Variants in LMOD3 observed in about 807,000 individuals in gnomAD.
The protein encoded by LMOD3 is leiomodin 3.
Under a neutral mutation model 41.8 loss-of-function variants are expected in LMOD3, and 31 were observed. That is an observed-to-expected ratio of 0.74 (90% CI 0.56 to 1.00). The LOEUF is 1.00. Among genes scored for constraint, LMOD3 ranks in the 50% least tolerant of loss-of-function variants. The probability of loss-of-function intolerance (pLI) is 0.00; values close to 1 mark genes in which losing one functional copy is unlikely to be tolerated. For synonymous variants in LMOD3, 292 were observed against 241.9 expected (o/e 1.21, Z -1.92); for missense variants, 755 against 679.5 (o/e 1.11, Z -1.23).
Position 69,119,007 on chromosome 3 carries a change from G to A in LMOD3, c.1348C>T (p.Pro450Ser), listed in dbSNP as rs748532243. ...TGGGGGTTGGGAGGCCGAGGTGGCG[G>A]TGGCTGGAAGAATTCCTGCATTCTG... ...DSRMQEFFQP[P>S]PPRPPNPQNV... The change falls in exon 2 of 3, where the codon CCG becomes TCG. Residue 450 changes from proline (P) to serine (S), a missense_variant. Physicochemically the swap from Pro to Ser is moderately conservative, Grantham distance 74. Transcript: ENST00000420581. 32 of 1,613,642 alleles carry A rather than the reference G, an allele frequency of 2.0e-5. No homozygotes were observed. In the African/African-American group the frequency reaches 3.3e-4, roughly 17 times the overall value.
intron 2 of LMOD3, among the ~76,000 whole-genome samples, chr3:69,117,201 C>A (rs1166747109): frequency 2.0e-5 from 3 of 152,136 alleles, no homozygotes; most frequent in Non-Finnish European, 4.4e-5. Flanking sequence ...GGCCACTGCT[C>A]CAGGAAGAAT....
intron 2 of LMOD3, among the ~76,000 whole-genome samples, chr3:69,113,650 A>T (rs770211997): frequency 9.2e-5 from 14 of 152,236 alleles, no homozygotes; most frequent in Non-Finnish European, 1.8e-4. Flanking sequence ...CCAGATATAC[A>T]TGAGTAAGCC....
chr3:69,110,584 T>A (rs2107520778), intron 2 of LMOD3, among the ~76,000 whole-genome samples: 1 of 150,086 alleles, frequency 6.7e-6, no homozygotes, highest in East Asian at 2.1e-4. Flanking sequence ...GGCTGACGCC[T>A]GTAATTCCAG....
chr3:69,106,860 A>ATTTTTTTT lies in LMOD3; in HGVS notation c.*2227_*2234dup, dbSNP rs1190777851. 9.9e-5 allele frequency: 5 copies of ATTTTTTTT among 50,704 alleles called. No homozygotes were observed. The highest frequency in any genetic ancestry group is 6.5e-4 in the East Asian group (1 of 1,548). 3.1% of individuals were successfully genotyped at this position (50,704 alleles called of 1,614,324 possible). A position where few individuals can be genotyped will look rare whatever the true frequency, so the allele number is the denominator to read the frequency against. On this transcript the variant is annotated 3_prime_UTR_variant, in exon 3 of 3. Coordinates refer to ENST00000420581, the MANE Select transcript of LMOD3 (RefSeq NM_198271.5). ...AGCTACCATGCCTGGCTAATTTTGT[A>ATTTTTTTT]TTTTTTTTTTTTTTTTTTTTTTTTT...
rs114117420 is a variant in LMOD3, at chr3:69,117,764, T to C, written c.1656+935A>G. Among the ~76,000 whole-genome samples, 851 of 151,648 alleles carry C rather than the reference T, an allele frequency of 5.6e-3. 10 individuals carry two copies. The highest frequency in any genetic ancestry group is 0.018 in the African/African-American group (752 of 41,360). ...TTTCGAACAGTCTCTCTTCATCTAC[T>C]AAAAAGAACTGTTTCTATGCATTTT... On this transcript the variant is annotated intron_variant, in intron 2 of 2. Transcript: ENST00000420581.
chr3:69,116,218 A>G (rs2092371990), intron 2 of LMOD3, among the ~76,000 whole-genome samples: 1 of 152,198 alleles, frequency 6.6e-6, no homozygotes, highest in African/African-American at 2.4e-5. Flanking sequence ...AGTGAAGCAA[A>G]TTTTCATTAG....
chr3:69,110,293 G>A (rs1023548908), intron 2 of LMOD3, among the ~76,000 whole-genome samples: 1 of 151,742 alleles, frequency 6.6e-6, no homozygotes, highest in Admixed American at 6.6e-5. Context: ...GGAGTGGCAT[G>A]ATCCCGGCTC....
Position 69,113,201 on chromosome 3 carries a change from T to C in LMOD3, c.1657-4080A>G, listed in dbSNP as rs180764295. Among the ~76,000 whole-genome samples, 14 of 152,182 alleles carry C rather than the reference T, an allele frequency of 9.2e-5. No homozygotes were observed. In the East Asian group the frequency reaches 2.1e-3, roughly 23 times the overall value. On this transcript the variant is annotated intron_variant, in intron 2 of 2. Transcript: ENST00000420581. ...ACCTGAATGCGTGACAGAATGGAGA[T>C]AAGACAGAAAACTGGGAACCAGAAG...
intron 2 of LMOD3, among the ~76,000 whole-genome samples, chr3:69,115,519 A>C (rs79591745): frequency 1.5e-4 from 22 of 143,452 alleles, no homozygotes; most frequent in East Asian, 8.3e-4. Context: ...CACACACACA[A>C]AACTTTTCTA....
At position 69,106,605 on chromosome 3, in the gene LMOD3, A is replaced by C. The variant is rs1438884067; in HGVS notation, c.*2490T>G. On this transcript the variant is annotated 3_prime_UTR_variant, in exon 3 of 3. Coordinates refer to ENST00000420581, the MANE Select transcript of LMOD3 (RefSeq NM_198271.5). The stretch of plus-strand genomic sequence containing the variant: ...ATCATCTTTTCTTCTTGTATATCTA[A>C]GATAAAAACCCTCTTACTGTGCATT... 2.0e-5 allele frequency among the ~76,000 whole-genome samples: 3 copies of C among 152,128 alleles called. No homozygotes were observed. Among genetic ancestry groups the C allele is most frequent in the African/African-American group, 7.2e-5 (3 of 41,436 alleles).
intron 2 of LMOD3, among the ~76,000 whole-genome samples, chr3:69,117,888 G>C (rs2092383587): frequency 6.7e-6 from 1 of 148,752 alleles, no homozygotes; most frequent in Non-Finnish European, 1.5e-5. Context: ...CTGGAGTACA[G>C]TGGTGCAATC....
In LMOD3 at chr3:69,119,498, G is replaced by T; in HGVS notation, c.857C>A (p.Thr286Lys). ...TGCACCCACATTGGCTAAACTGAAT[G>T]TTTTGATGTGCTTGTTTTTCTTCAT... ...NAMKKNKHIK[T>K]FSLANVGADE... Residue 286 changes from threonine (T) to lysine (K), a missense_variant, in exon 2 of 3, where the codon ACA (threonine) becomes AAA (lysine). By Grantham distance (78) the Thr-to-Lys change is moderately conservative. Transcript: ENST00000420581. 6.2e-7 allele frequency: 1 copy of T among 1,613,974 alleles called. No homozygotes were observed. The highest frequency in any genetic ancestry group is 2.2e-5 in the East Asian group (1 of 44,882).
At chr3:69,120,834 G>C (rs1200167067) in intron 1 of LMOD3, among the ~76,000 whole-genome samples, 1 of 152,006 alleles carries the variant, frequency 6.6e-6, no homozygotes, top group Non-Finnish European at 1.5e-5. Context: ...CTTAGTCTGG[G>C]AAATAAAATG....
Position 69,106,425 on chromosome 3 carries a change from T to A in LMOD3, c.*2670A>T, listed in dbSNP as rs2107517461. On this transcript the variant is annotated 3_prime_UTR_variant, in exon 3 of 3. Coordinates refer to ENST00000420581, the MANE Select transcript of LMOD3 (RefSeq NM_198271.5). ...CTGGAAGGGTAATAACAGAAAAATGTAACATATAAATGTTGTAAATTATGA... is the reference window on the plus strand; with the variant it reads ...CTGGAAGGGTAATAACAGAAAAATGAAACATATAAATGTTGTAAATTATGA... Among the ~76,000 whole-genome samples, 1 of 152,286 alleles carries A rather than the reference T, an allele frequency of 6.6e-6. No individual in the cohort carries two copies. The highest frequency in any genetic ancestry group is 2.1e-4 in the South Asian group (1 of 4,828).
rs186324001 is a variant in LMOD3, at chr3:69,109,218, C to T, written c.1657-97G>A. ...CAAAATTTACATGCCTTAAAAGATA[C>T]AGAATAGGTTTGAAATTCTGGCCAA... On this transcript the variant is annotated intron_variant, in intron 2 of 2. Coordinates refer to ENST00000420581, the MANE Select transcript of LMOD3 (RefSeq NM_198271.5). 441 of 1,139,656 alleles carry T rather than the reference C, an allele frequency of 3.9e-4. 3 individuals are homozygous for T. The East Asian group carries it at 7.5e-3, about 19-fold the overall frequency. The allele number at this position is 1,139,656 out of a possible 1,614,324, so 70.6% of individuals were successfully genotyped here. A position where few individuals can be genotyped will look rare whatever the true frequency, so the allele number is the denominator to read the frequency against.
rs763391637 is a variant in LMOD3, at chr3:69,119,735, TC to T, written c.619del (p.Glu207AsnfsTer10). The T allele has an allele frequency of 1.9e-6, 3 of 1,613,942 alleles. No homozygotes were observed. In the Admixed American group the frequency reaches 5.0e-5, roughly 27 times the overall value. ...TTTCGATATTTTTTTCTCACTTTGT[TC>T]TTGGGCCTCTGGTCTGTCTCTCTGT... ...KEQRDRPEAQ[E>X]QSEKKISKLD... On this transcript the variant is annotated frameshift_variant, in exon 2 of 3. Coordinates refer to ENST00000420581, the MANE Select transcript of LMOD3 (RefSeq NM_198271.5). LOFTEE classifies it high-confidence loss of function.
chr3:69,122,312 G>C lies in LMOD3; in HGVS notation c.75C>G (p.Ala25=). 2 of 1,613,100 alleles carry C rather than the reference G, an allele frequency of 1.2e-6. No homozygotes were observed. ...DEEINEDEIL[A]NLSAEELKEL... ...CTTTCAGTTCTTCAGCAGACAAGTTGGCCAAGATTTCATCTTCATTAATCT... is the reference window on the plus strand; with the variant it reads ...CTTTCAGTTCTTCAGCAGACAAGTTCGCCAAGATTTCATCTTCATTAATCT... The change falls in exon 1 of 3, where the codon GCC becomes GCG. Residue 25 remains alanine (A), a synonymous_variant. Coordinates refer to ENST00000420581, the MANE Select transcript of LMOD3 (RefSeq NM_198271.5).
At position 69,120,145 on chromosome 3, in the gene LMOD3, G is replaced by A. The variant is rs559703796; in HGVS notation, c.295-85C>T. 7.4e-5 allele frequency: 104 copies of A among 1,407,926 alleles called. No homozygotes were observed. The African/African-American group carries it at 1.2e-3, about 17-fold the overall frequency. 87.2% of individuals were successfully genotyped at this position (1,407,926 alleles called of 1,614,324 possible). ...ATCAGCTAGTGGAGATAATAAAAATGCTTATTTAAAAGAGCTGGTTGCTAT... is the reference window on the plus strand; with the variant it reads ...ATCAGCTAGTGGAGATAATAAAAATACTTATTTAAAAGAGCTGGTTGCTAT... On this transcript the variant is annotated intron_variant, in intron 1 of 2. Transcript: ENST00000420581.
chr3:69,118,130 TG>T (rs377466606), intron 2 of LMOD3, among the ~76,000 whole-genome samples: 28 of 152,342 alleles, frequency 1.8e-4, no homozygotes, highest in African/African-American at 6.0e-4. Context: ...GCGCCCGGCC[TG>T]GCCTCATTCT....
Sources: allele counts gnomAD v4.1 joint callset (sites outside exome capture counted in the v4.1 genomes callset), GRCh38; gene constraint gnomAD v4.1.1; transcripts MANE v1.5; gene names NCBI Gene and HGNC (gene_info 2026-07-23, HGNC 2026-07-21).